The following CENPS variants were observed in gnomAD, a reference collection of about 807,000 sequenced individuals.
CENPS encodes the protein centromere protein S, also known as FANCM associated histone fold protein 1.
In CENPS, 16 loss-of-function variants were observed where a neutral mutation model predicts 17.9. The ratio of observed to expected loss-of-function variants is 0.90; its 90% CI spans 0.61 to 1.36. CENPS has a LOEUF of 1.36. Ranked by LOEUF, CENPS falls within the 40% of genes most tolerant of loss-of-function variation. CENPS has a pLI of 0.00. For synonymous variants in CENPS, 49 were observed against 55.8 expected, an observed-to-expected ratio of 0.88 and a Z score of 0.54; for missense variants, 160 against 158.6, an observed-to-expected ratio of 1.01 and a Z score of -0.05.
Position 10,436,731 on chromosome 1 carries a change from A to AG in CENPS, c.209+2042dup, listed in dbSNP as rs1491292549. 3.0e-5 allele frequency among the ~76,000 whole-genome samples: 3 copies of AG among 100,186 alleles called. No individual in the cohort carries two copies. The South Asian group carries it at 1.1e-3, about 38-fold the overall frequency. 65.7% of individuals were successfully genotyped at this position (100,186 alleles called of 152,430 possible). A position where few individuals can be genotyped will look rare whatever the true frequency, so the allele number is the denominator to read the frequency against. The stretch of plus-strand genomic sequence containing the variant: ...TTTAAAAAAAAAAAAAGAAAAGAAA[A>AG]GAAAAAAAAAAGTTTGTGGAAACGC... On this transcript the variant is annotated intron_variant, in intron 3 of 4. Transcript: ENST00000309048.
intron 3 of CENPS, among the ~76,000 whole-genome samples, chr1:10,436,708 TAAAAA>T (rs550913401): frequency 1.6e-5 from 2 of 125,010 alleles, no homozygotes; most frequent in Non-Finnish European, 3.2e-5. Context: ...TCTGTCTCTT[TAAAAA>T]AAAAAAAAGA....
Position 10,442,714 on chromosome 1 carries a change from G to A in CENPS, c.*309G>A. The A allele has an allele frequency of 4.1e-6, 1 of 246,508 alleles. No homozygotes were observed. Among genetic ancestry groups the A allele is most frequent in the East Asian group, 9.0e-5 (1 of 11,160 alleles). The allele number at this position is 246,508 out of a possible 1,614,324, so 15.3% of individuals were successfully genotyped here. On this transcript the variant is annotated 3_prime_UTR_variant, in exon 5 of 5. Coordinates refer to ENST00000309048, the MANE Select transcript of CENPS (RefSeq NM_199294.3). ...AAAATTGTGTGAGCAATTAAACATG[G>A]TTGACTTTTTCAAGCAAAAATCAGT...
intron 1 of CENPS, 49 bp downstream of exon 1, chr1:10,430,617 T>C: frequency 6.6e-7 from 1 of 1,516,552 alleles, no homozygotes; most frequent in East Asian, 2.7e-5. Context: ...CGGCGTCGAG[T>C]TTCTGGACAG....
intron 1 of CENPS, among the ~76,000 whole-genome samples, chr1:10,432,202 C>G (rs973887585): frequency 6.6e-6 from 1 of 152,134 alleles, no homozygotes; most frequent in Non-Finnish European, 1.5e-5. Context: ...ATTCTCCTGC[C>G]TCAGCCTCCT....
At chr1:10,436,125 G>A (rs909948388) in intron 3 of CENPS, among the ~76,000 whole-genome samples, 6 of 151,492 alleles carry the variant, frequency 4.0e-5, no homozygotes, top group African/African-American at 1.5e-4. Flanking sequence ...TTACAGGCAT[G>A]TACCACCACA....
intron 2 of CENPS, 40 bp from the exon 3 acceptor site, chr1:10,434,617 G>T: frequency 3.1e-6 from 5 of 1,601,336 alleles, no homozygotes; most frequent in Non-Finnish European, 3.4e-6. Context: ...AAATTAGATG[G>T]GAGGGTGCCT....
At chr1:10,432,619 C>CT (rs1356882162) in intron 1 of CENPS, among the ~76,000 whole-genome samples, 1 of 151,758 alleles carries the variant, frequency 6.6e-6, no homozygotes, top group Non-Finnish European at 1.5e-5. Flanking sequence ...AGTGATACCC[C>CT]AGCCCAGCCA....
At position 10,433,732 on chromosome 1, in the gene CENPS, C is replaced by T. The variant is rs753821559; in HGVS notation, c.52-110C>T. The T allele has an allele frequency of 2.8e-4, 431 of 1,544,038 alleles. 1 individual carries two copies. The highest frequency in any genetic ancestry group is 2.0e-4 in the Non-Finnish European group (225 of 1,144,878). ...AAAGCCACTCAGCCATTATGGAAAG[C>T]GCCAGAGGGATTGGGCTGAGCAGAC... On this transcript the variant is annotated intron_variant, in intron 1 of 4. Transcript: ENST00000309048.
intron 1 of CENPS, 102 bp downstream of exon 1, chr1:10,430,670 GC>G (rs1570012685): frequency 6.9e-7 from 1 of 1,440,764 alleles, no homozygotes; most frequent in Non-Finnish European, 9.1e-7. Context: ...TCGGCACCCC[GC>G]CCCCGGGCGC....
chr1:10,432,164 T>G (rs1270670927), intron 1 of CENPS, among the ~76,000 whole-genome samples: 1 of 152,052 alleles, frequency 6.6e-6, no homozygotes, highest in Non-Finnish European at 1.5e-5. Context: ...CTCGCCTCAC[T>G]GCAACCTCCA....
chr1:10,441,872 G>T (rs1640429890), intron 4 of CENPS, among the ~76,000 whole-genome samples: 1 of 151,848 alleles, frequency 6.6e-6, no homozygotes, highest in Non-Finnish European at 1.5e-5. Context: ...TGATCTGTCT[G>T]CCTCAGCCTC....
chr1:10,430,598 G>A lies in CENPS; in HGVS notation c.51+30G>A, dbSNP rs547690900. ...AGGAAAACGGGGGTCGGGCTGGGCTGGGGCAGGACGGCGTCGAGTTTCTGG... is the reference window on the plus strand; with the variant it reads ...AGGAAAACGGGGGTCGGGCTGGGCTAGGGCAGGACGGCGTCGAGTTTCTGG... On this transcript the variant is annotated intron_variant, in intron 1 of 4. Coordinates refer to ENST00000309048, the MANE Select transcript of CENPS (RefSeq NM_199294.3). The A allele has an allele frequency of 1.2e-5, 18 of 1,527,662 alleles. No individual in the cohort carries two copies. In the South Asian group the frequency reaches 2.0e-4, roughly 17 times the overall value. The allele number at this position is 1,527,662 out of a possible 1,614,324, so 94.6% of individuals were successfully genotyped here.
chr1:10,442,129 G>T, intron 4 of CENPS, 136 bp from the exon 5 acceptor site: 1 of 1,155,444 alleles, frequency 8.7e-7, no homozygotes, highest in Non-Finnish European at 1.2e-6. Flanking sequence ...TCTTAGAAAT[G>T]TAACCCAGGC....
At position 10,440,429 on chromosome 1, in the gene CENPS, C is replaced by T. The variant is rs746449480; in HGVS notation, c.276+16C>T. The T allele has an allele frequency of 6.2e-7, 1 of 1,613,432 alleles. No homozygotes were observed. The highest frequency in any genetic ancestry group is 1.7e-5 in the Admixed American group (1 of 59,854). ...TAATTCACTGGTGAGAGATGAATTT[C>T]TTTCCTCACTCCCCTTTCCCATCGG... On this transcript the variant is annotated intron_variant, in intron 4 of 4. Transcript: ENST00000309048.
intron 4 of CENPS, among the ~76,000 whole-genome samples, chr1:10,441,603 C>T (rs1484960620): frequency 4.8e-4 from 71 of 148,954 alleles, no homozygotes; most frequent in African/African-American, 1.6e-3. Context: ...CATGAGCCAC[C>T]GCACCTGGCT....
chr1:10,430,632 G>C (rs752481025), intron 1 of CENPS, 64 bp downstream of exon 1: 10 of 1,496,420 alleles, frequency 6.7e-6, no homozygotes, highest in African/African-American at 1.5e-5. Flanking sequence ...GGACAGAAAA[G>C]TACCCGGCAG....
chr1:10,433,938 A>G lies in CENPS; in HGVS notation c.148A>G (p.Ile50Val), dbSNP rs1015255132. The change falls in exon 2 of 5, where the codon ATT becomes GTT. Residue 50 changes from isoleucine to valine, a missense_variant. Ile to Val is a conservative substitution (Grantham distance 29). Transcript: ENST00000309048. Reference sequence around the variant, plus strand: ...GTTCAGCAAACAGACCATTGCGGCCATTTCGGAGCTGACTTTCCGACAGTG... The same window carrying G: ...GTTCAGCAAACAGACCATTGCGGCCGTTTCGGAGCTGACTTTCCGACAGTG... ...MQFSKQTIAA[I>V]SELTFRQCEN... 5 of 1,614,182 alleles carry G rather than the reference A, an allele frequency of 3.1e-6. No homozygotes were observed. The highest frequency in any genetic ancestry group is 4.2e-6 in the Non-Finnish European group (5 of 1,180,032).
At chr1:10,430,777 G>C in intron 1 of CENPS, 3 of 1,389,334 alleles carry the variant, frequency 2.2e-6, no homozygotes, top group Non-Finnish European at 2.8e-6. Flanking sequence ...TGCGCTGGCT[G>C]GGGAGGAAGC....
chr1:10,435,684 A>G (rs1316878816), intron 3 of CENPS, among the ~76,000 whole-genome samples: 2 of 146,328 alleles, frequency 1.4e-5, no homozygotes, highest in African/African-American at 5.0e-5. Flanking sequence ...AAAATGAAAA[A>G]TTTAAATACT....
Sources: gnomAD v4.1 joint callset for allele counts (sites outside exome capture counted in the v4.1 genomes callset) on GRCh38, gnomAD v4.1.1 for gene constraint, MANE v1.5 for transcripts, NCBI Gene and HGNC (gene_info 2026-07-23, HGNC 2026-07-21) for gene names.